Variants in CDH18 observed in about 807,000 individuals in gnomAD.
The protein encoded by CDH18 is cadherin 18, also known as cadherin-18.
CDH18 carries 31 observed loss-of-function variants against 67.9 expected under a neutral mutation model. The ratio of observed to expected loss-of-function variants is 0.46; its 90% CI spans 0.34 to 0.62. The LOEUF (loss-of-function observed/expected upper bound fraction) is 0.62, where lower values mean the gene tolerates loss of function less well. Among genes scored for constraint, CDH18 ranks in the 20% least tolerant of loss-of-function variants. CDH18 has a pLI of 0.01. For missense variants in CDH18, 890 were observed against 975.5 expected, an observed-to-expected ratio of 0.91 and a Z score of 1.17; for synonymous variants, 362 against 347.2, an observed-to-expected ratio of 1.04 and a Z score of -0.48.
At chr5:19,763,857 T>C (rs1772694299) in intron 3 of CDH18, among the ~76,000 whole-genome samples, 1 of 151,690 alleles carries the variant, frequency 6.6e-6, no homozygotes, top group Non-Finnish European at 1.5e-5. Context: ...AGTAAAAATA[T>C]AGCACATGAG....
chr5:19,852,015 A>G (rs1783763732), intron 2 of CDH18, among the ~76,000 whole-genome samples: 1 of 152,076 alleles, frequency 6.6e-6, no homozygotes, highest in Non-Finnish European at 1.5e-5. Context: ...AAGGTCAAAT[A>G]GGAATAAAAT....
At chr5:19,976,872 G>T (rs538687171) in intron 2 of CDH18, among the ~76,000 whole-genome samples, 2 of 152,210 alleles carry the variant, frequency 1.3e-5, no homozygotes, top group Admixed American at 1.3e-4. Context: ...TTGTTTTGTA[G>T]AGATTTTAAT....
chr5:20,514,682 C>T (rs1015079668), intron 1 of CDH18, among the ~76,000 whole-genome samples: 3 of 151,998 alleles, frequency 2.0e-5, no homozygotes, highest in Non-Finnish European at 2.9e-5. Flanking sequence ...TCTCTAAGGC[C>T]TTACACCATA....
At chr5:20,496,445 T>G (rs1477649546) in intron 1 of CDH18, among the ~76,000 whole-genome samples, 2 of 152,044 alleles carry the variant, frequency 1.3e-5, no homozygotes, top group African/African-American at 4.8e-5. Context: ...TAAAGGAAAA[T>G]TAATAACACT....
intron 2 of CDH18, among the ~76,000 whole-genome samples, chr5:19,956,282 T>A (rs1796250261): frequency 6.6e-6 from 1 of 152,006 alleles, no homozygotes; most frequent in Non-Finnish European, 1.5e-5. Context: ...TCTAAGTAAT[T>A]TCATTTATGC....
At position 19,850,484 on chromosome 5, in the gene CDH18, G is replaced by A. The variant is rs150658851; in HGVS notation, c.-256-11242C>T. Among the ~76,000 whole-genome samples the A allele has an allele frequency of 5.2e-3, 783 of 151,852 alleles. 9 individuals carry two copies. The highest frequency in any genetic ancestry group is 0.02 in the Middle Eastern group (6 of 294). On this transcript the variant is annotated intron_variant, in intron 2 of 12. Coordinates refer to ENST00000382275, the MANE Select transcript of CDH18 (RefSeq NM_004934.5). ...AAATCAAAGTCATGCATATTCAAAT[G>A]TCTTCTAATAGCCTCAATGAGATAA...
At chr5:19,894,208 C>T (rs1789061964) in intron 2 of CDH18, among the ~76,000 whole-genome samples, 1 of 151,918 alleles carries the variant, frequency 6.6e-6, no homozygotes, top group Non-Finnish European at 1.5e-5. Flanking sequence ...TTTTAAACTT[C>T]CTCTTTTAGG....
intron 5 of CDH18, among the ~76,000 whole-genome samples, chr5:19,691,773 A>G (rs1057007974): frequency 6.6e-6 from 1 of 151,928 alleles, no homozygotes; most frequent in Admixed American, 6.6e-5. Context: ...GAAAGAAAAA[A>G]ATCCATATTG....
chr5:19,521,273 G>A (rs1434275019), intron 9 of CDH18, among the ~76,000 whole-genome samples: 2 of 152,036 alleles, frequency 1.3e-5, no homozygotes, highest in South Asian at 2.1e-4. Flanking sequence ...GTTAAGTCAC[G>A]CTCGGGGAAA....
chr5:20,544,330 A>C (rs1436991772), intron 1 of CDH18, among the ~76,000 whole-genome samples: 2 of 150,686 alleles, frequency 1.3e-5, no homozygotes, highest in Non-Finnish European at 2.9e-5. Context: ...ACACATAAAC[A>C]CATATATATG....
At chr5:20,527,171 G>T (rs1756120428) in intron 1 of CDH18, among the ~76,000 whole-genome samples, 1 of 148,504 alleles carries the variant, frequency 6.7e-6, no homozygotes, top group South Asian at 2.2e-4. Context: ...AGAGCTTGAA[G>T]ACCATCTTGC....
chr5:20,390,185 A>G (rs1461402381), intron 1 of CDH18, among the ~76,000 whole-genome samples: 1 of 152,170 alleles, frequency 6.6e-6, no homozygotes, highest in South Asian at 2.1e-4. Context: ...AGAAACTACT[A>G]TCAGAGTGAA....
rs369680567 is a variant in CDH18 at position 19,944,910 on chromosome 5, T to C, written c.-257+36150A>G. Among the ~76,000 whole-genome samples the C allele has an allele frequency of 6.0e-4, 91 of 152,226 alleles. No homozygotes were observed. In the South Asian group the frequency reaches 0.016, roughly 27 times the overall value. ...GTCTGGGTTTTCTGTTCATTTACCA[T>C]TACATTTGAATTGGGCACCAGGGAG... On this transcript the variant is annotated intron_variant, in intron 2 of 12. Transcript: ENST00000382275.
chr5:20,554,432 A>G (rs921715270), intron 1 of CDH18, among the ~76,000 whole-genome samples: 2 of 152,218 alleles, frequency 1.3e-5, no homozygotes, highest in South Asian at 2.1e-4. Flanking sequence ...CTTTTTCTCT[A>G]TTTCCTCACC....
intron 2 of CDH18, among the ~76,000 whole-genome samples, chr5:20,145,119 A>G (rs1448743646): frequency 6.6e-6 from 1 of 152,186 alleles, no homozygotes; most frequent in Admixed American, 6.6e-5. Context: ...AAAATATCAC[A>G]TAGACAAAAC....
intron 1 of CDH18, among the ~76,000 whole-genome samples, chr5:20,395,775 A>T (rs1053225123): frequency 1.3e-5 from 2 of 152,026 alleles, no homozygotes; most frequent in African/African-American, 4.8e-5. Context: ...AATCAACCAT[A>T]TGATTAGAGC....
intron 1 of CDH18, among the ~76,000 whole-genome samples, chr5:20,550,246 G>A (rs1355691759): frequency 1.3e-5 from 2 of 152,102 alleles, no homozygotes; most frequent in Non-Finnish European, 2.9e-5. Flanking sequence ...AATACTGGGT[G>A]TATTTTAGAA....
chr5:19,489,944 A>G (rs919039553), intron 11 of CDH18, among the ~76,000 whole-genome samples: 2 of 79,140 alleles, frequency 2.5e-5, no homozygotes, highest in Non-Finnish European at 5.5e-5. Context: ...ACATACAACT[A>G]TAATATAATA....
rs975249603 is a variant in CDH18 at position 20,090,983 on chromosome 5, G to A, written c.-517-98969C>T. On this transcript the variant is annotated intron_variant, in intron 2 of 14. Coordinates refer to the CDH18 transcript ENST00000507958. ...GAGAATGACTTGAGCCTGGGATATC[G>A]AGGCTTCAGTGAGCTGAGATTGCAC... is the stretch of plus-strand genomic sequence containing the variant. 5.3e-5 allele frequency among the ~76,000 whole-genome samples: 8 copies of A among 151,638 alleles called. No homozygotes were observed. In the East Asian group the frequency reaches 5.8e-4, roughly 11 times the overall value.
Sources: allele counts gnomAD v4.1 joint callset (sites outside exome capture counted in the v4.1 genomes callset), GRCh38; gene constraint gnomAD v4.1.1; transcripts MANE v1.5; gene names NCBI Gene and HGNC (gene_info 2026-07-23, HGNC 2026-07-21).